FZR1: variants seen among roughly 807,000 people sequenced by gnomAD.
The protein encoded by FZR1 is fizzy-related protein homolog.
FZR1 carries 11 observed loss-of-function variants against 63.6 expected under a neutral mutation model. The observed-to-expected ratio is 0.17, with a 90% CI of 0.11 to 0.29. The LOEUF is 0.29. FZR1 is among the 10% of genes least tolerant of loss of function. FZR1 has a pLI of 1.00. For missense variants in FZR1, 440 were observed against 687.5 expected (o/e 0.64, Z 4.03); for synonymous variants, 328 against 297.9 (o/e 1.10, Z -1.04).
At chr19:3,518,762 G>A (rs1466863606) in intron 1 of FZR1, among the ~76,000 whole-genome samples, 1 of 152,200 alleles carries the variant, frequency 6.6e-6, no homozygotes, top group Admixed American at 6.5e-5. Context: ...TACTCAGAAG[G>A]CTGAGGTAGG....
chr19:3,506,512 C>G (rs968912074), intron 1 of FZR1, 38 bp downstream of exon 1: 3 of 151,792 alleles, frequency 2.0e-5, no homozygotes, highest in Admixed American at 6.6e-5. Flanking sequence ...CCCCCGGGCC[C>G]TAGGCGGCGG....
Position 3,534,954 on chromosome 19 carries a change from C to T in FZR1, c.*118C>T, listed in dbSNP as rs1005503609. 25 of 820,848 alleles carry T rather than the reference C, an allele frequency of 3.0e-5. No individual in the cohort carries two copies. Among genetic ancestry groups the T allele is most frequent in the Middle Eastern group, 2.2e-4 (1 of 4,570 alleles). 50.8% of individuals were successfully genotyped at this position (820,848 alleles called of 1,614,324 possible). On this transcript the variant is annotated 3_prime_UTR_variant, in exon 14 of 14. Transcript: ENST00000441788. ...CCCCCGAGGAAGGCGGCTGGGCGGG[C>T]GGGGAGCTGGGCCTGGAGGATCCTG...
Position 3,526,689 on chromosome 19 carries a change from C to T in FZR1, c.388-291C>T, listed in dbSNP as rs752729858. On this transcript the variant is annotated intron_variant, in intron 5 of 13. Coordinates refer to ENST00000441788, the MANE Select transcript of FZR1 (RefSeq NM_016263.4). The surrounding 1 kb of genome is among the most constrained non-coding windows in gnomAD (Gnocchi z 5.4). ...CACCCAAGCCGGTGGGGGTCCTGCC[C>T]GTAGGGGGCAGTACTGGGTCCTCCC... Among the ~76,000 whole-genome samples, 36 of 151,790 alleles carry T rather than the reference C, an allele frequency of 2.4e-4. No homozygotes were observed. Among genetic ancestry groups the T allele is most frequent in the Non-Finnish European group, 2.8e-4 (19 of 67,904 alleles).
At chr19:3,506,799 A>C (rs1490435193) in intron 1 of FZR1, among the ~76,000 whole-genome samples, 2 of 152,076 alleles carry the variant, frequency 1.3e-5, no homozygotes, top group Non-Finnish European at 1.5e-5. Flanking sequence ...AAATAGGCTG[A>C]GCCCTGCACC....
chr19:3,532,413 C>T lies in FZR1; in HGVS notation c.1009-4C>T, dbSNP rs1432010846. On this transcript the variant is annotated splice_polypyrimidine_tract_variant and splice_region_variant and intron_variant, in intron 10 of 13. Coordinates refer to ENST00000441788, the MANE Select transcript of FZR1 (RefSeq NM_016263.4). ...GCCCCGGCCTCACAGCCCCTGTCCC[C>T]CAGCTGCTGGTCTGGAATCACTCGA... The T allele has an allele frequency of 6.3e-7, 1 of 1,589,234 alleles. No homozygotes were observed. Among genetic ancestry groups the T allele is most frequent in the South Asian group, 1.1e-5 (1 of 89,708 alleles).
intron 12 of FZR1, 140 bp from the exon 13 acceptor site, chr19:3,534,281 C>A: frequency 1.8e-6 from 1 of 550,298 alleles, no homozygotes; most frequent in East Asian, 3.1e-5. Flanking sequence ...GTGGTGGCCC[C>A]AGCCTGCCCC....
intron 1 of FZR1, among the ~76,000 whole-genome samples, chr19:3,517,049 G>A (rs1412098287): frequency 6.6e-6 from 1 of 152,246 alleles, no homozygotes; most frequent in Non-Finnish European, 1.5e-5. Flanking sequence ...CAGTGCACGC[G>A]GTTACCACCG....
At position 3,534,954 on chromosome 19, in the gene FZR1, CG is replaced by C; in HGVS notation, c.*122del. On this transcript the variant is annotated 3_prime_UTR_variant, in exon 14 of 14. Coordinates refer to ENST00000441788, the MANE Select transcript of FZR1 (RefSeq NM_016263.4). ...CCCCCGAGGAAGGCGGCTGGGCGGG[CG>C]GGGAGCTGGGCCTGGAGGATCCTGG... 1 of 820,966 alleles carries C rather than the reference CG, an allele frequency of 1.2e-6. No homozygotes were observed. Among genetic ancestry groups the C allele is most frequent in the South Asian group, 1.4e-5 (1 of 71,802 alleles). The allele number at this position is 820,966 out of a possible 1,614,324, so 50.9% of individuals were successfully genotyped here.
Position 3,522,928 on chromosome 19 carries a change from C to G in FZR1, c.-34-28C>G. 5.8e-6 allele frequency: 7 copies of G among 1,204,898 alleles called. No individual in the cohort carries two copies. The South Asian group carries it at 8.4e-5, about 15-fold the overall frequency. The allele number at this position is 1,204,898 out of a possible 1,614,324, so 74.6% of individuals were successfully genotyped here. ...TCTCCGGGCAGCCGGCCCTGCCCCA[C>G]TCACCTCTCCTGCCCTTCCCGCTGC... On this transcript the variant is annotated intron_variant, in intron 1 of 13. Coordinates refer to ENST00000441788, the MANE Select transcript of FZR1 (RefSeq NM_016263.4).
chr19:3,519,103 AAG>A (rs1322538273), intron 1 of FZR1, among the ~76,000 whole-genome samples: 2 of 152,160 alleles, frequency 1.3e-5, no homozygotes, highest in Non-Finnish European at 2.9e-5. Context: ...ACAGAGAGGA[AAG>A]AGAGAGGGCA....
rs2083173839 is a variant in FZR1, at chr19:3,527,636, A to T, written c.476A>T (p.Lys159Met). ...SLSPVSNKSQ[K>M]LLRSPRKPTR... ...CCACGTGGCCGCCTCTGCAGCCAGAAGCTGCTCCGGTCCCCCCGGAAACCC... is the reference window on the plus strand; with the variant it reads ...CCACGTGGCCGCCTCTGCAGCCAGATGCTGCTCCGGTCCCCCCGGAAACCC... The change falls in exon 7 of 14, where the codon AAG becomes ATG. Residue 159 changes from lysine to methionine, a missense_variant. Transcript: ENST00000441788. The T allele has an allele frequency of 1.2e-6, 2 of 1,605,978 alleles. No individual in the cohort carries two copies. The highest frequency in any genetic ancestry group is 1.7e-6 in the Non-Finnish European group (2 of 1,177,338).
rs2029974647 is a variant in FZR1 at position 3,536,496 on chromosome 19, G to T, written c.*1660G>T. 1 of 152,228 alleles carries T rather than the reference G, an allele frequency of 6.6e-6. No individual in the cohort carries two copies. Among genetic ancestry groups the T allele is most frequent in the Non-Finnish European group, 1.5e-5 (1 of 68,054 alleles). The allele number at this position is 152,228 out of a possible 1,614,324, so 9.4% of individuals were successfully genotyped here. A position where few individuals can be genotyped will look rare whatever the true frequency, so the allele number is the denominator to read the frequency against. On this transcript the variant is annotated 3_prime_UTR_variant, in exon 14 of 14. Transcript: ENST00000441788. ...GAAAACCAACCCTGCCTTCGCCCAT[G>T]CCCGCCCCTGCCCGCAGTTGCCAAA... is the stretch of plus-strand genomic sequence containing the variant.
intron 7 of FZR1, among the ~76,000 whole-genome samples, chr19:3,530,469 C>A (rs1377943968): frequency 7.9e-6 from 1 of 126,602 alleles, no homozygotes; most frequent in Non-Finnish European, 1.7e-5. Context: ...CATGGATGAG[C>A]GCATGGGAGA....
chr19:3,530,973 CAT>C (rs1415542241), intron 8 of FZR1, 116 bp downstream of exon 8: 6 of 720,122 alleles, frequency 8.3e-6, no homozygotes, highest in Non-Finnish European at 1.4e-5. Context: ...TGTGTCCAAG[CAT>C]AGGTCTGTGT....
Position 3,522,965 on chromosome 19 carries a change from G to C in FZR1, c.-25G>C. On this transcript the variant is annotated 5_prime_UTR_variant, in exon 2 of 14. Transcript: ENST00000441788. ...GCCCTTCCCGCTGCAGGCTAACCTT[G>C]CCGCGGGCCGAGCCCTGCCTCGCCA... The C allele has an allele frequency of 1.3e-6, 2 of 1,585,090 alleles. No individual in the cohort carries two copies. Among genetic ancestry groups the C allele is most frequent in the Non-Finnish European group, 1.7e-6 (2 of 1,154,658 alleles).
At chr19:3,524,662 C>T (rs989567718) in intron 2 of FZR1, among the ~76,000 whole-genome samples, 4 of 152,076 alleles carry the variant, frequency 2.6e-5, no homozygotes, top group East Asian at 3.9e-4. Flanking sequence ...CCTGGGGGTC[C>T]GGAGTCGGAG....
chr19:3,516,555 G>A lies in FZR1; in HGVS notation c.-34-6401G>A, dbSNP rs1345700025. On this transcript the variant is annotated intron_variant, in intron 1 of 13. Coordinates refer to ENST00000441788, the MANE Select transcript of FZR1 (RefSeq NM_016263.4). This position sits in a 1 kb window ranked among gnomAD's most constrained non-coding sequence, Gnocchi z 6.0. Reference sequence around the variant, plus strand: ...GCTGGGGGTCCCGGAGCTGAGCTGAGCACCGCTAGCAGCACCGGGCAAGTG... The same window carrying A: ...GCTGGGGGTCCCGGAGCTGAGCTGAACACCGCTAGCAGCACCGGGCAAGTG... Among the ~76,000 whole-genome samples the A allele has an allele frequency of 1.3e-5, 2 of 152,180 alleles. No individual in the cohort carries two copies. The highest frequency in any genetic ancestry group is 2.9e-5 in the Non-Finnish European group (2 of 68,040).
rs2083145157 is a variant in FZR1 at position 3,525,440 on chromosome 19, T to TTTTC, written c.70-425_70-424insCTTT. Among the ~76,000 whole-genome samples, 7 of 133,046 alleles carry TTTTC rather than the reference T, an allele frequency of 5.3e-5. No homozygotes were observed. Among genetic ancestry groups the TTTTC allele is most frequent in the Middle Eastern group, 7.1e-3 (2 of 280 alleles). The allele number at this position is 133,046 out of a possible 152,430, so 87.3% of individuals were successfully genotyped here. A position where few individuals can be genotyped will look rare whatever the true frequency, so the allele number is the denominator to read the frequency against. ...TCCCCTCCTTGGGTTTTCTTTTTTTTTTTTTTTTTTTTTTTTTTTTGAGAC... is the reference window on the plus strand; with the variant it reads ...TCCCCTCCTTGGGTTTTCTTTTTTTTTTTCTTTTTTTTTTTTTTTTTTTTGAGAC... On this transcript the variant is annotated intron_variant, in intron 2 of 13. Transcript: ENST00000441788. The surrounding 1 kb of genome is among the most constrained non-coding windows in gnomAD (Gnocchi z 4.2).
At position 3,525,851 on chromosome 19, in the gene FZR1, C is replaced by T; in HGVS notation, c.70-17C>T. The T allele has an allele frequency of 1.2e-6, 2 of 1,609,058 alleles. No homozygotes were observed. The highest frequency in any genetic ancestry group is 2.2e-5 in the South Asian group (2 of 91,036). On this transcript the variant is annotated splice_polypyrimidine_tract_variant and intron_variant, in intron 2 of 13. Coordinates refer to ENST00000441788, the MANE Select transcript of FZR1 (RefSeq NM_016263.4). The surrounding 1 kb of genome is among the most constrained non-coding windows in gnomAD (Gnocchi z 4.2). ...GCTCTCGGTGCTGAGAGCAAGCCCT[C>T]TGCTGATGCCCTTCAGGTCACAGAG...
Sources: allele counts gnomAD v4.1 joint callset (sites outside exome capture counted in the v4.1 genomes callset), GRCh38; gene constraint gnomAD v4.1.1; non-coding constraint Gnocchi (gnomAD v3.1); transcripts MANE v1.5; gene names NCBI Gene and HGNC (gene_info 2026-07-23, HGNC 2026-07-21).